Variants in MICAL2 observed in about 807,000 individuals in gnomAD.
MICAL2 encodes [F-actin]-monooxygenase MICAL2.
Under a neutral mutation model 127.3 loss-of-function variants are expected in MICAL2, and 77 were observed. That is an observed-to-expected ratio of 0.60 (90% CI 0.50 to 0.73). The LOEUF is 0.73. MICAL2 is among the 30% of genes least tolerant of loss of function. The probability of loss-of-function intolerance (pLI) is 0.00; values close to 1 mark genes in which losing one functional copy is unlikely to be tolerated. For synonymous variants in MICAL2, 570 were observed against 551.1 expected, an observed-to-expected ratio of 1.03 and a Z score of -0.48; for missense variants, 1,351 against 1,434.4, an observed-to-expected ratio of 0.94 and a Z score of 0.94.
intron 1 of MICAL2, among the ~76,000 whole-genome samples, chr11:12,137,804 C>A (rs1851970422): frequency 6.6e-6 from 1 of 152,090 alleles, no homozygotes; most frequent in Non-Finnish European, 1.5e-5. Context: ...TAACTCTGGG[C>A]TTCGTTTTCC....
intron 14 of MICAL2, 73 bp from the exon 15 acceptor site, chr11:12,226,952 C>T (rs1249854277): frequency 2.4e-6 from 3 of 1,229,220 alleles, no homozygotes; most frequent in Non-Finnish European, 2.4e-6. Flanking sequence ...CACACCCAGC[C>T]AACACCTCCT....
At chr11:12,341,108 A>G (rs911059190) in intron 32 of MICAL2, among the ~76,000 whole-genome samples, 1 of 152,210 alleles carries the variant, frequency 6.6e-6, no homozygotes, top group Admixed American at 6.5e-5. Flanking sequence ...AGGTCTGTGC[A>G]TGAGCTCCAG....
In MICAL2 at chr11:12,220,342, C is replaced by A; in HGVS notation, c.1090C>A (p.Pro364Thr). 1 of 1,614,222 alleles carries A rather than the reference C, an allele frequency of 6.2e-7. No individual in the cohort carries two copies. The highest frequency in any genetic ancestry group is 8.5e-7 in the Non-Finnish European group (1 of 1,180,034). Residue 364 changes from proline to threonine, a missense_variant, in exon 9 of 28, where the codon CCT becomes ACT. Pro to Thr is a conservative substitution (Grantham distance 38). This residue lies in a region of MICAL2 where 599 missense variants were observed against 714.9 expected (regional missense o/e 0.84). Transcript: ENST00000683283. ...LDFAMNHYGQ[P>T]DVAMFDFTCM... ...CTTTGCCATGAACCACTATGGGCAG[C>A]CTGATGTGGCCATGTTTGACTTTAC...
chr11:12,215,144 G>A (rs551878152), intron 7 of MICAL2, among the ~76,000 whole-genome samples: 7 of 152,252 alleles, frequency 4.6e-5, no homozygotes, highest in African/African-American at 1.7e-4. Context: ...AAATACTTAA[G>A]CCACTCAATA....
At chr11:12,231,288 A>G (rs765268522) in intron 15 of MICAL2, among the ~76,000 whole-genome samples, 3 of 152,234 alleles carry the variant, frequency 2.0e-5, no homozygotes, top group Non-Finnish European at 4.4e-5. Context: ...TTGTCCCTGG[A>G]GAGCTCATCC....
At chr11:12,350,753 G>A (rs965468176) in intron 33 of MICAL2, among the ~76,000 whole-genome samples, 1 of 152,276 alleles carries the variant, frequency 6.6e-6, no homozygotes, top group South Asian at 2.1e-4. Context: ...AAGTATGACA[G>A]CCCAGATTAG....
intron 26 of MICAL2, chr11:12,260,466 CTA>C: frequency 2.6e-6 from 3 of 1,132,934 alleles, no homozygotes; most frequent in Admixed American, 4.6e-5. Flanking sequence ...GCATTTTTTT[CTA>C]TGAGTGTCAA....
At chr11:12,313,289 C>A (rs1372649641) in intron 29 of MICAL2, among the ~76,000 whole-genome samples, 1 of 150,236 alleles carries the variant, frequency 6.7e-6, no homozygotes, top group Admixed American at 6.7e-5. Flanking sequence ...GATTTTATGT[C>A]TGGCTTTGAG....
intron 7 of MICAL2, among the ~76,000 whole-genome samples, chr11:12,215,725 TC>T (rs1856060868): frequency 6.6e-6 from 1 of 152,194 alleles, no homozygotes; most frequent in South Asian, 2.1e-4. Flanking sequence ...CCTGAGTTGT[TC>T]CTACCACTGC....
intron 29 of MICAL2, among the ~76,000 whole-genome samples, chr11:12,318,715 G>C (rs1055844139): frequency 6.6e-6 from 1 of 152,148 alleles, no homozygotes; most frequent in Non-Finnish European, 1.5e-5. Context: ...TAATCAGAGT[G>C]GGTTAATCCA....
chr11:12,178,629 C>T (rs913080468), intron 3 of MICAL2, among the ~76,000 whole-genome samples: 1 of 152,016 alleles, frequency 6.6e-6, no homozygotes, highest in South Asian at 2.1e-4. Flanking sequence ...ATTCGTGTTA[C>T]CTAAATGAAG....
intron 23 of MICAL2, chr11:12,256,475 C>T: frequency 4.0e-6 from 1 of 251,440 alleles, no homozygotes; most frequent in Non-Finnish European, 7.6e-6. Flanking sequence ...GTGAGTAAAG[C>T]CCACTCCGTC....
downstream of MICAL2, among the ~76,000 whole-genome samples, chr11:12,265,872 T>A (rs1436207316): frequency 6.6e-6 from 1 of 152,116 alleles, no homozygotes; most frequent in Non-Finnish European, 1.5e-5. Flanking sequence ...TCCCAGCACT[T>A]TGGGAGGCTG....
intron 3 of MICAL2, among the ~76,000 whole-genome samples, chr11:12,186,689 C>A (rs1354779783): frequency 6.6e-6 from 1 of 152,156 alleles, no homozygotes; most frequent in East Asian, 1.9e-4. Flanking sequence ...GGAAGGTTTG[C>A]CTCTTACGGG....
intron 16 of MICAL2, among the ~76,000 whole-genome samples, chr11:12,238,736 T>C (rs769802264): frequency 2.0e-5 from 3 of 152,248 alleles, no homozygotes; most frequent in Non-Finnish European, 4.4e-5. Flanking sequence ...GTGCCAGTGT[T>C]AATTTCTCAA....
At chr11:12,135,886 A>C (rs538298031) in intron 1 of MICAL2, among the ~76,000 whole-genome samples, 2 of 152,096 alleles carry the variant, frequency 1.3e-5, no homozygotes, top group African/African-American at 4.8e-5. Context: ...GCTGGTCTCG[A>C]TCTATCTCAC....
At chr11:12,349,634 C>A (rs527832395) in intron 32 of MICAL2, among the ~76,000 whole-genome samples, 19 of 152,202 alleles carry the variant, frequency 1.2e-4, no homozygotes, top group African/African-American at 4.6e-4. Context: ...TCCAAGAAGA[C>A]CCCCTCACAC....
chr11:12,355,307 G>T (rs1939113008), intron 34 of MICAL2, among the ~76,000 whole-genome samples: 1 of 152,266 alleles, frequency 6.6e-6, no homozygotes, highest in East Asian at 1.9e-4. Context: ...GCCTAGTGCT[G>T]CCAGGCACTA....
intron 1 of MICAL2, among the ~76,000 whole-genome samples, chr11:12,117,135 A>G (rs1850108350): frequency 6.6e-6 from 1 of 152,210 alleles, no homozygotes; most frequent in South Asian, 2.1e-4. Context: ...AGGTAAGGGC[A>G]GGCAGAAGAA....
Sources: gnomAD v4.1 joint callset for allele counts (sites outside exome capture counted in the v4.1 genomes callset) on GRCh38, gnomAD v4.1.1 for gene constraint, gnomAD v4.1.1 regional missense constraint, MANE v1.5 for transcripts, NCBI Gene and HGNC (gene_info 2026-07-23, HGNC 2026-07-21) for gene names.